CCDC69: variants seen among roughly 807,000 people sequenced by gnomAD.
CCDC69 encodes coiled-coil domain-containing protein 69.
A neutral mutation model predicts 40.3 loss-of-function variants in CCDC69; 38 were observed. The observed-to-expected ratio is 0.94, with a 90% CI of 0.73 to 1.24. The LOEUF (loss-of-function observed/expected upper bound fraction) is 1.24, where lower values mean the gene tolerates loss of function less well. Ranked by LOEUF, CCDC69 falls within the 50% of genes most tolerant of loss-of-function variation. The probability of loss-of-function intolerance (pLI) is 0.00; values close to 1 mark genes in which losing one functional copy is unlikely to be tolerated. For synonymous variants in CCDC69, 141 were observed against 138.9 expected (o/e 1.02, Z -0.11); for missense variants, 389 against 357.9 (o/e 1.09, Z -0.70).
At chr5:151,207,925 T>C (rs543612245) in intron 1 of CCDC69, among the ~76,000 whole-genome samples, 40 of 152,148 alleles carry the variant, frequency 2.6e-4, no homozygotes, top group African/African-American at 8.7e-4. Context: ...AGGAAGAAGA[T>C]GTTCTAGATT....
intron 1 of CCDC69, among the ~76,000 whole-genome samples, chr5:151,213,678 G>A (rs1752988835): frequency 1.3e-5 from 2 of 152,196 alleles, no homozygotes; most frequent in South Asian, 4.1e-4. Context: ...GTAGCCCTGA[G>A]GGAGGTTCAG....
intron 4 of CCDC69, among the ~76,000 whole-genome samples, chr5:151,192,319 C>T (rs1752625798): frequency 6.6e-6 from 1 of 151,528 alleles, no homozygotes; most frequent in South Asian, 2.1e-4. Flanking sequence ...AGAGAACATA[C>T]ACATGACCAA....
At chr5:151,198,789 G>A (rs1752737086) in intron 4 of CCDC69, 1 of 465,274 alleles carries the variant, frequency 2.1e-6, no homozygotes. Flanking sequence ...TAAGGAAAAA[G>A]AAAGGTTGAT....
Position 151,214,528 on chromosome 5 carries a change from T to G in CCDC69, c.49-9053A>C, listed in dbSNP as rs1231936902. Among the ~76,000 whole-genome samples, 15 of 152,298 alleles carry G rather than the reference T, an allele frequency of 9.8e-5. No homozygotes were observed. The East Asian group carries it at 2.7e-3, about 27-fold the overall frequency. On this transcript the variant is annotated intron_variant, in intron 1 of 8. Transcript: ENST00000355417. ...AAGTAATGCCTGAATTTGATGTCATTGAAACTCAAACACTGCCAGGGACAT... is the reference window on the plus strand; with the variant it reads ...AAGTAATGCCTGAATTTGATGTCATGGAAACTCAAACACTGCCAGGGACAT...
At chr5:151,210,496 A>T (rs1289619206) in intron 1 of CCDC69, among the ~76,000 whole-genome samples, 4 of 152,164 alleles carry the variant, frequency 2.6e-5, no homozygotes, top group African/African-American at 9.7e-5. Context: ...GTGAGCCAAG[A>T]TCGCACCACT....
chr5:151,219,251 G>A (rs916156370), intron 1 of CCDC69, among the ~76,000 whole-genome samples: 3 of 152,156 alleles, frequency 2.0e-5, no homozygotes, highest in Non-Finnish European at 2.9e-5. Context: ...GGTGTCAAGG[G>A]CTGCTCCCAT....
At chr5:151,206,280 G>A (rs1400333036) in intron 1 of CCDC69, among the ~76,000 whole-genome samples, 3 of 152,160 alleles carry the variant, frequency 2.0e-5, no homozygotes, top group Non-Finnish European at 2.9e-5. Flanking sequence ...TGCCCTCCTT[G>A]GGGGCTACCA....
intron 3 of CCDC69, among the ~76,000 whole-genome samples, chr5:151,200,849 C>T (rs1439873065): frequency 6.6e-6 from 1 of 152,192 alleles, no homozygotes; most frequent in Non-Finnish European, 1.5e-5. Context: ...TCTCTGATCC[C>T]ACAGCCTTGG....
At chr5:151,216,502 T>G (rs2114003958) in intron 1 of CCDC69, among the ~76,000 whole-genome samples, 1 of 148,020 alleles carries the variant, frequency 6.8e-6, no homozygotes, top group East Asian at 2.1e-4. Flanking sequence ...CTGCAGCCTC[T>G]GCCTCCCAGG....
At chr5:151,213,507 C>T (rs1481715771) in intron 1 of CCDC69, among the ~76,000 whole-genome samples, 1 of 152,116 alleles carries the variant, frequency 6.6e-6, no homozygotes, top group Non-Finnish European at 1.5e-5. Flanking sequence ...CCGCCTCGGC[C>T]TCCCAAAGTG....
chr5:151,196,350 G>T (rs938342554), intron 4 of CCDC69, among the ~76,000 whole-genome samples: 1 of 151,982 alleles, frequency 6.6e-6, no homozygotes, highest in Non-Finnish European at 1.5e-5. Context: ...GTAGAGACGG[G>T]GTTTCATCAT....
intron 1 of CCDC69, among the ~76,000 whole-genome samples, chr5:151,219,098 G>A (rs1046821444): frequency 2.0e-5 from 3 of 152,176 alleles, no homozygotes; most frequent in Non-Finnish European, 4.4e-5. Context: ...TCATCAGCTC[G>A]GAGGCCATGT....
intron 4 of CCDC69, among the ~76,000 whole-genome samples, chr5:151,194,604 T>A (rs1227678483): frequency 6.6e-6 from 1 of 152,108 alleles, no homozygotes; most frequent in Non-Finnish European, 1.5e-5. Flanking sequence ...TACAAGAATC[T>A]ATACATGCGG....
intron 1 of CCDC69, among the ~76,000 whole-genome samples, chr5:151,219,443 C>T (rs1273617768): frequency 2.0e-5 from 3 of 152,072 alleles, no homozygotes; most frequent in East Asian, 1.9e-4. Flanking sequence ...CATCAATTAC[C>T]AGGGTAGGAG....
At chr5:151,186,367 CGGGAG>C (rs1272282964) in intron 5 of CCDC69, among the ~76,000 whole-genome samples, 1 of 70,936 alleles carries the variant, frequency 1.4e-5, no homozygotes, top group Non-Finnish European at 2.6e-5. Context: ...GAAAAGAAGA[CGGGAG>C]GGGAGGGGAG....
intron 4 of CCDC69, among the ~76,000 whole-genome samples, chr5:151,189,379 T>A (rs1195480602): frequency 6.6e-6 from 1 of 151,256 alleles, no homozygotes; most frequent in Non-Finnish European, 1.5e-5. Context: ...AGAATGGAGA[T>A]GAGATGATAA....
At chr5:151,222,458 T>C (rs1470929368) in intron 1 of CCDC69, among the ~76,000 whole-genome samples, 4 of 152,212 alleles carry the variant, frequency 2.6e-5, no homozygotes, top group Non-Finnish European at 4.4e-5. Context: ...CTTGGTCCAC[T>C]TTGCAAGCTA....
intron 4 of CCDC69, among the ~76,000 whole-genome samples, chr5:151,198,335 T>TATCC (rs1206341495): frequency 7.4e-5 from 11 of 149,610 alleles, no homozygotes; most frequent in African/African-American, 2.7e-4. Flanking sequence ...TCTATCTATC[T>TATCC]ATCTATCTAT....
At chr5:151,198,866 G>A (rs972732718) in intron 4 of CCDC69, 131 bp downstream of exon 4, 3 of 736,612 alleles carry the variant, frequency 4.1e-6, no homozygotes, top group Admixed American at 1.9e-5. Context: ...GGATCCTGTA[G>A]ATTTGAGTCA....
Sources: allele counts gnomAD v4.1 joint callset (sites outside exome capture counted in the v4.1 genomes callset), GRCh38; gene constraint gnomAD v4.1.1; transcripts MANE v1.5; gene names NCBI Gene and HGNC (gene_info 2026-07-23, HGNC 2026-07-21).